The following OPN5 variants were observed in gnomAD, a reference collection of about 807,000 sequenced individuals.
The protein encoded by OPN5 is opsin-5.
OPN5 carries 18 observed loss-of-function variants against 41.7 expected under a neutral mutation model. The ratio of observed to expected loss-of-function variants is 0.43; its 90% CI spans 0.30 to 0.64. The LOEUF (loss-of-function observed/expected upper bound fraction) is 0.64. OPN5 is among the 30% of genes least tolerant of loss of function. The pLI is 0.13. For synonymous variants in OPN5, 178 were observed against 164.3 expected (o/e 1.08, Z -0.64); for missense variants, 318 against 434.5 (o/e 0.73, Z 2.38).
At chr6:47,819,549 A>G (rs994239285) in intron 6 of OPN5, among the ~76,000 whole-genome samples, 3 of 151,582 alleles carry the variant, frequency 2.0e-5, no homozygotes, top group East Asian at 3.9e-4. Flanking sequence ...ATCATTCAAT[A>G]TAAATTATTT....
chr6:47,788,929 A>G (rs1773281139), intron 2 of OPN5, among the ~76,000 whole-genome samples: 1 of 152,024 alleles, frequency 6.6e-6, no homozygotes, highest in African/African-American at 2.4e-5. Flanking sequence ...AAAGCAAAGC[A>G]AAACAATCCG....
At chr6:47,789,898 A>AT (rs5876034) in intron 2 of OPN5, among the ~76,000 whole-genome samples, 419 of 143,874 alleles carry the variant, frequency 2.9e-3, no homozygotes, top group South Asian at 0.016. Context: ...TTCCTCAGTA[A>AT]TTTTTTTTTT....
intron 6 of OPN5, among the ~76,000 whole-genome samples, chr6:47,822,946 C>G (rs920672077): frequency 2.6e-5 from 4 of 152,166 alleles, no homozygotes; most frequent in Admixed American, 6.5e-5. Flanking sequence ...CTCCTGTTTT[C>G]AAAGGACACA....
intron 3 of OPN5, 49 bp downstream of exon 3, chr6:47,792,021 G>C: frequency 7.3e-7 from 1 of 1,374,346 alleles, no homozygotes; most frequent in Non-Finnish European, 1.0e-6. Context: ...TAGGTGGATT[G>C]AGTGTTAGAA....
chr6:47,802,450 T>C (rs980345627), intron 4 of OPN5, among the ~76,000 whole-genome samples: 2 of 152,168 alleles, frequency 1.3e-5, no homozygotes, highest in Non-Finnish European at 2.9e-5. Context: ...TGAATTCACC[T>C]AAAGCAAACC....
chr6:47,814,564 G>T (rs73473750), intron 6 of OPN5, among the ~76,000 whole-genome samples: 18,758 of 152,040 alleles, frequency 0.12, 1,308 homozygotes, highest in Middle Eastern at 0.16. Flanking sequence ...CTGAGAGCTG[G>T]GAGGCACCAG....
intron 6 of OPN5, chr6:47,812,021 GA>G: frequency 4.3e-6 from 1 of 233,836 alleles, no homozygotes; most frequent in Non-Finnish European, 8.3e-6. Flanking sequence ...GAGATAGTGA[GA>G]AAAATGTTGA....
chr6:47,792,287 C>T (rs903797156), intron 3 of OPN5, among the ~76,000 whole-genome samples: 1 of 152,132 alleles, frequency 6.6e-6, no homozygotes, highest in Non-Finnish European at 1.5e-5. Flanking sequence ...TAAAGTGCAT[C>T]GAAAGGGTGT....
intron 6 of OPN5, among the ~76,000 whole-genome samples, chr6:47,813,046 T>C (rs952756659): frequency 6.6e-6 from 1 of 151,120 alleles, no homozygotes; most frequent in Non-Finnish European, 1.5e-5. Flanking sequence ...AAATAGATGT[T>C]GGAAAACATG....
chr6:47,822,339 GT>G (rs1439906104), intron 6 of OPN5, among the ~76,000 whole-genome samples: 1 of 152,144 alleles, frequency 6.6e-6, no homozygotes, highest in Non-Finnish European at 1.5e-5. Context: ...TTCATTGAAT[GT>G]GGATGGTGGC....
At chr6:47,824,032 A>G (rs781780706) in exon 7 of OPN5, 3 of 1,513,116 alleles carry the variant, frequency 2.0e-6, no homozygotes, top group South Asian at 1.2e-5. Flanking sequence ...AAGTGCTTAC[A>G]CGGCGTCTGG....
intron 3 of OPN5, among the ~76,000 whole-genome samples, chr6:47,793,301 C>A (rs1226581295): frequency 1.3e-5 from 2 of 152,122 alleles, no homozygotes; most frequent in African/African-American, 4.8e-5. Flanking sequence ...GATGATGCCG[C>A]CCACTGCCAG....
intron 5 of OPN5, among the ~76,000 whole-genome samples, chr6:47,810,854 C>T (rs1405909839): frequency 6.6e-6 from 1 of 152,140 alleles, no homozygotes; most frequent in African/African-American, 2.4e-5. Flanking sequence ...AGCACTGCTC[C>T]ACCCTGGCTG....
chr6:47,821,128 G>T (rs1188439038), intron 6 of OPN5, among the ~76,000 whole-genome samples: 1 of 152,192 alleles, frequency 6.6e-6, no homozygotes, highest in Non-Finnish European at 1.5e-5. Flanking sequence ...TGCATCAGGG[G>T]TGGCAGAGGC....
At chr6:47,795,437 C>A in exon 4 of OPN5, 1 of 1,614,120 alleles carries the variant, frequency 6.2e-7, no homozygotes. Flanking sequence ...GCCTCTTGCT[C>A]CCAACGGCTG....
intron 4 of OPN5, among the ~76,000 whole-genome samples, chr6:47,800,221 GC>G (rs765995992): frequency 1.3e-5 from 2 of 152,196 alleles, no homozygotes; most frequent in Non-Finnish European, 2.9e-5. Context: ...GGCCAGCCAT[GC>G]CAGATGGGAA....
At chr6:47,790,064 A>T (rs938332491) in intron 2 of OPN5, among the ~76,000 whole-genome samples, 3 of 152,178 alleles carry the variant, frequency 2.0e-5, no homozygotes, top group African/African-American at 4.8e-5. Context: ...GGTTGTAAAC[A>T]GCTTGGACCT....
At chr6:47,787,247 C>T (rs759858198) in intron 2 of OPN5, 6 of 718,374 alleles carry the variant, frequency 8.4e-6, no homozygotes, top group Non-Finnish European at 1.0e-5. Flanking sequence ...GAGAGTGTTA[C>T]CTGGGCATCA....
At chr6:47,788,296 C>G (rs1429771801) in intron 2 of OPN5, among the ~76,000 whole-genome samples, 1 of 152,216 alleles carries the variant, frequency 6.6e-6, no homozygotes, top group East Asian at 1.9e-4. Context: ...AGGTGCTCTA[C>G]CTGGTATTGA....
Sources: allele counts gnomAD v4.1 joint callset (sites outside exome capture counted in the v4.1 genomes callset), GRCh38; gene constraint gnomAD v4.1.1; transcripts MANE v1.5; gene names NCBI Gene and HGNC (gene_info 2026-07-23, HGNC 2026-07-21).